Variants in DOCK4 observed in about 807,000 individuals in gnomAD.
DOCK4 encodes dedicator of cytokinesis 4, also known as dedicator of cytokinesis protein 4.
In DOCK4, 97 loss-of-function variants were observed where a neutral mutation model predicts 268.1. The ratio of observed to expected loss-of-function variants is 0.36; its 90% CI spans 0.31 to 0.43. The LOEUF is 0.43. Among genes scored for constraint, DOCK4 ranks in the 20% least tolerant of loss-of-function variants. The probability of loss-of-function intolerance (pLI) is 1.00; values close to 1 mark genes in which losing one functional copy is unlikely to be tolerated. For synonymous variants in DOCK4, 954 were observed against 887.2 expected, an observed-to-expected ratio of 1.08 and a Z score of -1.34; for missense variants, 2,145 against 2,455.7, an observed-to-expected ratio of 0.87 and a Z score of 2.67.
intron 8 of DOCK4, among the ~76,000 whole-genome samples, chr7:111,973,775 C>G (rs1206152025): frequency 1.3e-5 from 2 of 150,592 alleles, no homozygotes; most frequent in Non-Finnish European, 3.0e-5. Flanking sequence ...GTGGTTAAAA[C>G]AAGATCAAAC....
chr7:111,941,253 C>G lies in DOCK4; in HGVS notation c.845-1011G>C, dbSNP rs571323151. Among the ~76,000 whole-genome samples the G allele has an allele frequency of 1.6e-4, 24 of 152,268 alleles. 1 individual carries two copies. The highest frequency in any genetic ancestry group is 7.3e-5 in the Non-Finnish European group (5 of 68,030). On this transcript the variant is annotated intron_variant, in intron 10 of 52. Transcript: ENST00000428084. ...TGCAAAATGTAAGAATTTAAAATATCAGGTTGTCATGACCTGATGCCATAT... is the reference window on the plus strand; with the variant it reads ...TGCAAAATGTAAGAATTTAAAATATGAGGTTGTCATGACCTGATGCCATAT...
chr7:112,127,654 AAAAAATAAAAAT>A (rs1010847197), intron 1 of DOCK4, among the ~76,000 whole-genome samples: 1 of 152,296 alleles, frequency 6.6e-6, no homozygotes, highest in African/African-American at 2.4e-5. Context: ...TTTTATAGCA[AAAAAATAAAAAT>A]AAAAATAAAA....
chr7:112,185,629 G>T (rs1468473440), intron 1 of DOCK4, among the ~76,000 whole-genome samples: 5 of 151,748 alleles, frequency 3.3e-5, no homozygotes. Context: ...AAAAGAAAAA[G>T]TTCACTTGAA....
intron 12 of DOCK4, among the ~76,000 whole-genome samples, chr7:111,925,869 C>T (rs1260547261): frequency 5.3e-5 from 8 of 152,128 alleles, no homozygotes; most frequent in African/African-American, 9.7e-5. Flanking sequence ...GGGCAGATCA[C>T]GAGGTCAGGA....
chr7:111,865,279 G>A (rs1363278546), intron 22 of DOCK4, among the ~76,000 whole-genome samples: 1 of 152,210 alleles, frequency 6.6e-6, no homozygotes, highest in Non-Finnish European at 1.5e-5. Context: ...GGGCTAACAA[G>A]AACAGTCATT....
intron 1 of DOCK4, among the ~76,000 whole-genome samples, chr7:112,054,139 T>A (rs978950174): frequency 6.6e-6 from 1 of 151,996 alleles, no homozygotes; most frequent in African/African-American, 2.4e-5. Context: ...CTGGGCAACA[T>A]AGTGAGACCC....
intron 36 of DOCK4, 52 bp downstream of exon 36, chr7:111,778,224 C>T (rs1382430163): frequency 3.5e-5 from 45 of 1,269,242 alleles, no homozygotes; most frequent in Middle Eastern, 1.9e-4. Context: ...GAGGAATGAT[C>T]ATGATTAATA....
Position 111,778,229 on chromosome 7 carries a change from T to C in DOCK4, c.3679+47A>G, listed in dbSNP as rs778242541. The C allele has an allele frequency of 5.3e-6, 7 of 1,324,480 alleles. No individual in the cohort carries two copies. In the South Asian group the frequency reaches 8.5e-5, roughly 16 times the overall value. 82.0% of individuals were successfully genotyped at this position (1,324,480 alleles called of 1,614,324 possible). A position where few individuals can be genotyped will look rare whatever the true frequency, so the allele number is the denominator to read the frequency against. On this transcript the variant is annotated intron_variant, in intron 36 of 52. Coordinates refer to ENST00000428084, the MANE Select transcript of DOCK4 (RefSeq NM_001363540.2). ...ACAAAAAGCGGAGGAATGATCATGA[T>C]TAATACATCAGCTCCCTTCCCAATC...
At chr7:112,148,884 G>C (rs1815768824) in intron 1 of DOCK4, among the ~76,000 whole-genome samples, 1 of 152,070 alleles carries the variant, frequency 6.6e-6, no homozygotes, top group African/African-American at 2.4e-5. Flanking sequence ...ACAAACCACT[G>C]GACAAAAGAG....
At chr7:111,855,473 G>T (rs967134940) in intron 23 of DOCK4, among the ~76,000 whole-genome samples, 13 of 152,144 alleles carry the variant, frequency 8.5e-5, no homozygotes, top group African/African-American at 2.9e-4. Flanking sequence ...AGCTCAGAGA[G>T]AAAAAAGTTG....
intron 13 of DOCK4, among the ~76,000 whole-genome samples, chr7:111,905,286 A>G (rs1409847780): frequency 1.3e-5 from 2 of 152,208 alleles, no homozygotes; most frequent in African/African-American, 4.8e-5. Flanking sequence ...CACCCGTGTG[A>G]AAAGCTATTT....
chr7:111,928,586 C>CTA (rs1793924764), intron 12 of DOCK4, among the ~76,000 whole-genome samples: 1 of 129,516 alleles, frequency 7.7e-6, no homozygotes. Flanking sequence ...TTTTCTTTTT[C>CTA]TTTTTTTTTT....
intron 1 of DOCK4, among the ~76,000 whole-genome samples, chr7:112,096,243 A>C (rs1276038297): frequency 6.6e-6 from 1 of 152,134 alleles, no homozygotes; most frequent in African/African-American, 2.4e-5. Flanking sequence ...TGGTGGGAAC[A>C]TGGTTCACTG....
chr7:111,776,142 T>A (rs983188008), intron 36 of DOCK4, among the ~76,000 whole-genome samples: 14 of 152,184 alleles, frequency 9.2e-5, no homozygotes, highest in African/African-American at 3.4e-4. Context: ...GTCTAGAATA[T>A]AATCCAAAAT....
chr7:112,127,658 A>T (rs1178002153), intron 1 of DOCK4, among the ~76,000 whole-genome samples: 1 of 152,160 alleles, frequency 6.6e-6, no homozygotes. Flanking sequence ...ATAGCAAAAA[A>T]ATAAAAATAA....
intron 1 of DOCK4, among the ~76,000 whole-genome samples, chr7:112,126,170 A>C (rs530559604): frequency 6.6e-6 from 1 of 152,352 alleles, no homozygotes; most frequent in Non-Finnish European, 1.5e-5. Context: ...TGAAAATATT[A>C]GCTATTTCTA....
intron 16 of DOCK4, among the ~76,000 whole-genome samples, chr7:111,884,650 A>G (rs1807686670): frequency 6.6e-6 from 1 of 152,176 alleles, no homozygotes; most frequent in Non-Finnish European, 1.5e-5. Flanking sequence ...CACGAATCTT[A>G]TAATGAAATG....
At chr7:112,000,050 TCAG>T (rs2135289478) in intron 3 of DOCK4, among the ~76,000 whole-genome samples, 1 of 152,208 alleles carries the variant, frequency 6.6e-6, no homozygotes, top group Non-Finnish European at 1.5e-5. Context: ...TTTCCTGGCT[TCAG>T]CCCCCCAAAT....
chr7:112,156,104 G>C lies in DOCK4; in HGVS notation c.37+49998C>G, dbSNP rs1474799393. Among the ~76,000 whole-genome samples the C allele has an allele frequency of 2.6e-5, 4 of 152,080 alleles. No individual in the cohort carries two copies. The East Asian group carries it at 7.8e-4, about 29-fold the overall frequency. On this transcript the variant is annotated intron_variant, in intron 1 of 52. Coordinates refer to ENST00000428084, the MANE Select transcript of DOCK4 (RefSeq NM_001363540.2). ...ATGGGCTTTGGAGGCTGACACACTA[G>C]AGTCTCTTACCCAACCTACACAACC... is the stretch of plus-strand genomic sequence containing the variant.
Sources: allele counts gnomAD v4.1 joint callset (sites outside exome capture counted in the v4.1 genomes callset), GRCh38; gene constraint gnomAD v4.1.1; transcripts MANE v1.5; gene names NCBI Gene and HGNC (gene_info 2026-07-23, HGNC 2026-07-21).